Variants in CC2D1B observed in about 807,000 individuals in gnomAD.
The protein encoded by CC2D1B is coiled-coil and C2 domain containing 1B.
CC2D1B carries 92 observed loss-of-function variants against 110.8 expected under a neutral mutation model. The ratio of observed to expected loss-of-function variants is 0.83; its 90% CI spans 0.70 to 0.99. The LOEUF is 0.99. Among genes scored for constraint, CC2D1B ranks in the 50% least tolerant of loss-of-function variants. The pLI, the probability that CC2D1B is intolerant of heterozygous loss-of-function variation, is 0.00. For synonymous variants in CC2D1B, 406 were observed against 429.2 expected (o/e 0.95, Z 0.67); for missense variants, 1,136 against 1,089.0 (o/e 1.04, Z -0.61).
At chr1:52,353,717 TC>T (rs751075716) in intron 23 of CC2D1B, 70 bp from the exon 24 acceptor site, 1 of 1,187,820 alleles carries the variant, frequency 8.4e-7, no homozygotes, top group East Asian at 2.6e-5. Context: ...GTCCCTACAT[TC>T]CCAGGAAAGA....
rs777925593 is a variant in CC2D1B at position 52,357,912 on chromosome 1, G to A, written c.1462-14C>T. On this transcript the variant is annotated splice_polypyrimidine_tract_variant and intron_variant, in intron 13 of 24. Coordinates refer to ENST00000284376, the MANE Select transcript of CC2D1B (RefSeq NM_001330585.2). ...TGGGGGCTCACCCTGCAGGTGCCCA[G>A]GAGGCTGTTAGGAGGGGATGTGTTC... 6.5e-7 allele frequency: 1 copy of A among 1,538,404 alleles called. No homozygotes were observed. Among genetic ancestry groups the A allele is most frequent in the East Asian group, 2.2e-5 (1 of 44,486 alleles).
chr1:52,361,154 C>T, intron 4 of CC2D1B, 22 bp from the exon 5 acceptor site: 1 of 1,613,700 alleles, frequency 6.2e-7, no homozygotes, highest in Non-Finnish European at 8.5e-7. Context: ...AAACACAGCC[C>T]AGGAGCTTGG....
In CC2D1B at chr1:52,352,363, C is replaced by T. The variant is rs1646544483; in HGVS notation, c.*862G>A. On this transcript the variant is annotated 3_prime_UTR_variant, in exon 25 of 25. Coordinates refer to ENST00000284376, the MANE Select transcript of CC2D1B (RefSeq NM_001330585.2). ...GAAGAGGAAAGGCTTTCCCTGTCCT[C>T]TCTCAAGAGGAAGCCACAGCAGCCG... 6.6e-6 allele frequency: 1 copy of T among 152,608 alleles called. No individual in the cohort carries two copies. Among genetic ancestry groups the T allele is most frequent in the African/African-American group, 2.4e-5 (1 of 41,438 alleles). 9.5% of individuals were successfully genotyped at this position (152,608 alleles called of 1,614,324 possible). A position where few individuals can be genotyped will look rare whatever the true frequency, so the allele number is the denominator to read the frequency against.
At position 52,355,589 on chromosome 1, in the gene CC2D1B, A is replaced by G; in HGVS notation, c.2187+19T>C. 1 of 1,613,962 alleles carries G rather than the reference A, an allele frequency of 6.2e-7. No homozygotes were observed. Among genetic ancestry groups the G allele is most frequent in the Middle Eastern group, 1.7e-4 (1 of 6,052 alleles). Reference sequence around the variant, plus strand: ...TGCAAGGCGGGTTTCAGAGGATCCTACTTCTACCTGAACCTCACCGAGTTA... The same window carrying G: ...TGCAAGGCGGGTTTCAGAGGATCCTGCTTCTACCTGAACCTCACCGAGTTA... On this transcript the variant is annotated intron_variant, in intron 20 of 24. Transcript: ENST00000284376.
chr1:52,354,673 C>A lies in CC2D1B; in HGVS notation c.2365G>T (p.Val789Phe), dbSNP rs748858934. The A allele has an allele frequency of 3.1e-6, 5 of 1,614,130 alleles. No homozygotes were observed. The East Asian group carries it at 8.9e-5, about 29-fold the overall frequency. The change falls in exon 23 of 25, where the codon GTT becomes TTT. Residue 789 changes from valine (V) to phenylalanine (F), a missense_variant. Coordinates refer to ENST00000284376, the MANE Select transcript of CC2D1B (RefSeq NM_001330585.2). The part of the protein sequence containing the change: ...KGSFFRSDKL[V>F]GTAHLKLERL... ...TCCAGTTTCAGGTGTGCTGTGCCAA[C>A]CAGCTTGTCGCTTCTGAAGAAGGAC... is the stretch of plus-strand genomic sequence containing the variant.
In CC2D1B at chr1:52,357,056, T is replaced by C; in HGVS notation, c.1823A>G (p.Gln608Arg). ...CTGGGCATACACCTCCTCCGCCTTC[T>C]GGGAGAGTCGCAGGTCCTCATGGTG... ...LIHHEDLRLS[Q>R]KAEEVYAQLQ... is the part of the protein sequence containing the mutation. The change falls in exon 16 of 25, where the codon CAG (glutamine) becomes CGG (arginine). Residue 608 changes from glutamine (Q) to arginine (R), a missense_variant. Physicochemically the swap from Gln to Arg is conservative, Grantham distance 43. Transcript: ENST00000284376. 6.2e-7 allele frequency: 1 copy of C among 1,606,408 alleles called. No homozygotes were observed. The highest frequency in any genetic ancestry group is 8.5e-7 in the Non-Finnish European group (1 of 1,176,416).
At chr1:52,353,469 T>TC in intron 24 of CC2D1B, 49 bp downstream of exon 24, 1 of 1,566,780 alleles carries the variant, frequency 6.4e-7, no homozygotes, top group Non-Finnish European at 8.6e-7. Flanking sequence ...AGTAGTTAGT[T>TC]GAGTAAAAGG....
At chr1:52,356,052 G>T in intron 18 of CC2D1B, 134 bp downstream of exon 18, 1 of 908,634 alleles carries the variant, frequency 1.1e-6, no homozygotes, top group Non-Finnish European at 1.8e-6. Flanking sequence ...GCACCCTGTC[G>T]TCCTCAGCAG....
At position 52,361,575 on chromosome 1, in the gene CC2D1B, A is replaced by G. The variant is rs199527750; in HGVS notation, c.256T>C (p.Cys86Arg). The G allele has an allele frequency of 2.2e-5, 36 of 1,613,786 alleles. No individual in the cohort carries two copies. The African/African-American group carries it at 2.4e-4, about 11-fold the overall frequency. Residue 86 changes from cysteine to arginine, a missense_variant, in exon 4 of 25, where the codon TGT becomes CGT. Transcript: ENST00000284376. ...MAHIEKLAAD[C>R]MRDVEEEEEE... ...TCCTCCTCCTCCACATCCCGCATAC[A>G]GTCTGCCGCCAACTTCTCGATGTGG...
intron 23 of CC2D1B, 139 bp downstream of exon 23, chr1:52,354,469 T>G (rs762662895): frequency 1.2e-6 from 1 of 804,596 alleles, no homozygotes; most frequent in Admixed American, 1.8e-5. Context: ...GAAATGAGGA[T>G]TCCACCTACT....
Position 52,359,690 on chromosome 1 carries a change from A to G in CC2D1B, c.942+15T>C. 6.3e-7 allele frequency: 1 copy of G among 1,582,268 alleles called. No individual in the cohort carries two copies. Among genetic ancestry groups the G allele is most frequent in the Non-Finnish European group, 8.6e-7 (1 of 1,163,472 alleles). ...CTATAAAATGAGGGTGGGTGCCCTG[A>G]GCCAGATGCCATACCTTCCCAATCC... is the stretch of plus-strand genomic sequence containing the variant. On this transcript the variant is annotated intron_variant, in intron 8 of 24. Coordinates refer to ENST00000284376, the MANE Select transcript of CC2D1B (RefSeq NM_001330585.2).
chr1:52,354,147 T>TGGCTCCA (rs1646588969), intron 23 of CC2D1B, among the ~76,000 whole-genome samples: 1 of 152,186 alleles, frequency 6.6e-6, no homozygotes, highest in Non-Finnish European at 1.5e-5. Context: ...CCACCCTCAG[T>TGGCTCCA]GGCTCCAATA....
At chr1:52,353,361 T>C (rs943004273) in intron 24 of CC2D1B, 138 bp from the exon 25 acceptor site, 4 of 1,507,400 alleles carry the variant, frequency 2.7e-6, no homozygotes, top group African/African-American at 1.4e-5. Context: ...CCAGTTCTAC[T>C]GAGGAACATC....
At chr1:52,357,197 G>C (rs1356895799) in intron 15 of CC2D1B, 71 bp from the exon 16 acceptor site, 8 of 1,555,058 alleles carry the variant, frequency 5.1e-6, no homozygotes, top group African/African-American at 1.4e-5. Flanking sequence ...ACAAAGGCAG[G>C]AGCCCAAACT....
chr1:52,355,229 C>T (rs1646622041), intron 21 of CC2D1B, among the ~76,000 whole-genome samples, 169 bp downstream of exon 21: 1 of 152,246 alleles, frequency 6.6e-6, no homozygotes, highest in Non-Finnish European at 1.5e-5. Flanking sequence ...AGGCAAGTCC[C>T]TGTACCTCTC....
At position 52,364,572 on chromosome 1, in the gene CC2D1B, CT is replaced by C; in HGVS notation, c.48del (p.Val18TrpfsTer89). On this transcript the variant is annotated frameshift_variant, in exon 2 of 25. Transcript: ENST00000284376. LOFTEE classifies it high-confidence loss of function. ...RPRKGPQARGQGVAAAKQMGL... is the reference protein window; with the variant it reads ...RPRKGPQARGXGVAAAKQMGL... ...CATACCTGCTTGGCAGCGGCCACCC[CT>C]TGGCCTCTGGCCTGAGGGCCCTTCC... 1 of 1,606,642 alleles carries C rather than the reference CT, an allele frequency of 6.2e-7. No individual in the cohort carries two copies. Among genetic ancestry groups the C allele is most frequent in the Non-Finnish European group, 8.5e-7 (1 of 1,174,240 alleles).
At chr1:52,364,919 CAGAA>C (rs1403112239) in intron 1 of CC2D1B, among the ~76,000 whole-genome samples, 8 of 152,274 alleles carry the variant, frequency 5.3e-5, no homozygotes, top group Admixed American at 5.2e-4. Flanking sequence ...GGGTAGAATT[CAGAA>C]AGGCTCTAAA....
intron 3 of CC2D1B, among the ~76,000 whole-genome samples, chr1:52,362,129 G>A (rs1371872479): frequency 1.3e-5 from 2 of 152,166 alleles, no homozygotes; most frequent in Non-Finnish European, 2.9e-5. Flanking sequence ...TCAACTCAGG[G>A]ACACACAGGA....
intron 23 of CC2D1B, 111 bp from the exon 24 acceptor site, chr1:52,353,758 T>C: frequency 1.4e-6 from 1 of 739,046 alleles, no homozygotes; most frequent in Non-Finnish European, 2.2e-6. Context: ...TCCTGTGGCA[T>C]GAACACAGGA....
Sources: allele counts gnomAD v4.1 joint callset (sites outside exome capture counted in the v4.1 genomes callset), GRCh38; gene constraint gnomAD v4.1.1; transcripts MANE v1.5; gene names NCBI Gene and HGNC (gene_info 2026-07-23, HGNC 2026-07-21).